Variants in PHYKPL observed in about 807,000 individuals in gnomAD.
The protein encoded by PHYKPL is 5-phosphohydroxy-L-lysine phospho-lyase.
A neutral mutation model predicts 51.3 loss-of-function variants in PHYKPL; 42 were observed. The ratio of observed to expected loss-of-function variants is 0.82; its 90% CI spans 0.64 to 1.06. The LOEUF (loss-of-function observed/expected upper bound fraction) is 1.06. Among genes scored for constraint, PHYKPL ranks in the 50% least tolerant of loss-of-function variants. The probability of loss-of-function intolerance (pLI) is 0.00; values close to 1 mark genes in which losing one functional copy is unlikely to be tolerated. For synonymous variants in PHYKPL, 264 were observed against 236.0 expected (o/e 1.12, Z -1.09); for missense variants, 655 against 586.6 (o/e 1.12, Z -1.20).
In PHYKPL at chr5:178,224,571, G is replaced by T; in HGVS notation, c.502-7C>A. 1 of 1,614,188 alleles carries T rather than the reference G, an allele frequency of 6.2e-7. No individual in the cohort carries two copies. The highest frequency in any genetic ancestry group is 8.5e-7 in the Non-Finnish European group (1 of 1,179,980). On this transcript the variant is annotated splice_polypyrimidine_tract_variant and splice_region_variant and intron_variant, in intron 5 of 12. Coordinates refer to ENST00000308158, the MANE Select transcript of PHYKPL (RefSeq NM_153373.4). ...AGGTGTCTGGGAGAGGTGCCTGTGGGGAGTGACAGCGCCATGTTATCCGGG... is the reference window on the plus strand; with the variant it reads ...AGGTGTCTGGGAGAGGTGCCTGTGGTGAGTGACAGCGCCATGTTATCCGGG...
At position 178,229,948 on chromosome 5, in the gene PHYKPL, C is replaced by T; in HGVS notation, c.330G>A (p.Leu110=). 1.2e-6 allele frequency: 2 copies of T among 1,613,528 alleles called. No homozygotes were observed. The highest frequency in any genetic ancestry group is 1.6e-4 in the Middle Eastern group (1 of 6,062). ...GGCCACAGTCCACTTACCCAGAATT[C>T]AGGAAATAGAACACACAGAGCTGCT... ...LPEQLCVFYF[L]NSGSEANDLA... Residue 110 remains leucine (L), a synonymous_variant, in exon 3 of 13, where the codon CTG becomes CTA. Coordinates refer to ENST00000308158, the MANE Select transcript of PHYKPL (RefSeq NM_153373.4).
chr5:178,225,015 T>C, intron 4 of PHYKPL: 1 of 565,246 alleles, frequency 1.8e-6, no homozygotes, highest in Non-Finnish European at 3.1e-6. Context: ...TAATGAATCT[T>C]AAATGTGTTG....
chr5:178,214,923 C>G (rs772795845), intron 9 of PHYKPL, 38 bp from the exon 10 acceptor site: 1 of 1,600,294 alleles, frequency 6.2e-7, no homozygotes, highest in Admixed American at 1.7e-5. Flanking sequence ...GAGGCCAGGC[C>G]TGAGGGGCCA....
downstream of PHYKPL, chr5:178,207,286 A>C: frequency 6.2e-7 from 1 of 1,600,684 alleles, no homozygotes. Context: ...CCTTAGAGGG[A>C]TGGGTTAGGG....
chr5:178,209,317 TCTTGA>T (rs1757436300), intron 12 of PHYKPL: 2 of 1,611,992 alleles, frequency 1.2e-6, no homozygotes, highest in South Asian at 2.2e-5. Flanking sequence ...ACCACTGTCC[TCTTGA>T]CTTTTAGTGT....
At chr5:178,228,433 C>G (rs989852749) in intron 3 of PHYKPL, 37 of 657,818 alleles carry the variant, frequency 5.6e-5, no homozygotes, top group Non-Finnish European at 8.8e-5. Flanking sequence ...CATGGAAGTC[C>G]CTGGAATCCA....
chr5:178,210,232 G>A lies in PHYKPL; in HGVS notation c.*32-1317C>T, dbSNP rs531828488. ...CTGGCTATGGCGGCTACGACTACTC[G>A]CCCTATGGCTATTACGGCTACGGCC... On this transcript the variant is annotated intron_variant, in intron 12 of 12. Coordinates refer to ENST00000308158, the MANE Select transcript of PHYKPL (RefSeq NM_153373.4). 68 of 1,613,294 alleles carry A rather than the reference G, an allele frequency of 4.2e-5. 1 individual carries two copies. In the South Asian group the frequency reaches 7.1e-4, roughly 17 times the overall value.
chr5:178,228,280 G>C, intron 3 of PHYKPL: 1 of 501,060 alleles, frequency 2.0e-6, no homozygotes, highest in Non-Finnish European at 3.6e-6. Flanking sequence ...CAGGGAAGGA[G>C]TGGCTAGAGA....
intron 8 of PHYKPL, among the ~76,000 whole-genome samples, chr5:178,220,182 G>A (rs1359536352): frequency 8.7e-6 from 1 of 115,330 alleles, no homozygotes; most frequent in African/African-American, 3.6e-5. Context: ...GTGACAGAGT[G>A]AGACCCCGTT....
intron 6 of PHYKPL, chr5:178,224,198 A>G: frequency 4.3e-6 from 2 of 467,798 alleles, no homozygotes; most frequent in Non-Finnish European, 7.6e-6. Flanking sequence ...CTACTGTGTC[A>G]GAGAGCACCC....
intron 1 of PHYKPL, chr5:178,232,114 C>T (rs1447568354): frequency 2.5e-6 from 3 of 1,190,014 alleles, no homozygotes; most frequent in East Asian, 1.1e-4. Flanking sequence ...CGAGCCAGGC[C>T]CAGGTGCTGC....
At chr5:178,230,229 T>A in intron 2 of PHYKPL, 130 bp from the exon 3 acceptor site, 2 of 1,157,660 alleles carry the variant, frequency 1.7e-6, no homozygotes, top group South Asian at 1.4e-5. Flanking sequence ...AAGAGGGCAG[T>A]CTGAAGGCAG....
rs921105406 is a variant in PHYKPL, at chr5:178,231,326, C to T, written c.178+79G>A. On this transcript the variant is annotated intron_variant, in intron 2 of 12. Transcript: ENST00000308158. ...CACCCAGGTTCTCCACACCTCTCGG[C>T]AATCTCAGGTCACCTTGGGACCAGG... The T allele has an allele frequency of 2.5e-6, 4 of 1,605,748 alleles. No individual in the cohort carries two copies. In the African/African-American group the frequency reaches 4.0e-5, roughly 16 times the overall value.
intron 6 of PHYKPL, 106 bp downstream of exon 6, chr5:178,224,342 G>T: frequency 8.3e-7 from 1 of 1,201,768 alleles, no homozygotes; most frequent in East Asian, 2.5e-5. Context: ...GGAGGGCAGG[G>T]CCTCGTTTGG....
intron 4 of PHYKPL, chr5:178,225,154 G>C (rs1003108135): frequency 4.8e-6 from 3 of 618,742 alleles, no homozygotes; most frequent in Admixed American, 2.9e-5. Context: ...CTGCTCCCCA[G>C]AGCTGCCTTC....
At chr5:178,220,737 A>C (rs907502677) in intron 8 of PHYKPL, among the ~76,000 whole-genome samples, 59 of 151,808 alleles carry the variant, frequency 3.9e-4, no homozygotes, top group African/African-American at 1.3e-3. Context: ...AAAAAAAAAA[A>C]CAAAAAAAAC....
rs926986685 is a variant in PHYKPL at position 178,232,585 on chromosome 5, G to A, written c.-35C>T. ...CCGTCAGTCGGTGCCGTGACGCCAC[G>A]CGGAGACGTCGCCGCGCGGGCTGGG... On this transcript the variant is annotated 5_prime_UTR_variant, in exon 1 of 13. Coordinates refer to ENST00000308158, the MANE Select transcript of PHYKPL (RefSeq NM_153373.4). 1.6e-6 allele frequency: 2 copies of A among 1,244,992 alleles called. No homozygotes were observed. Among genetic ancestry groups the A allele is most frequent in the Non-Finnish European group, 2.0e-6 (2 of 995,500 alleles). 77.1% of individuals were successfully genotyped at this position (1,244,992 alleles called of 1,614,324 possible).
chr5:178,221,825 T>C (rs2113872546), intron 8 of PHYKPL, among the ~76,000 whole-genome samples: 1 of 152,296 alleles, frequency 6.6e-6, no homozygotes, highest in South Asian at 2.1e-4. Flanking sequence ...TCAAGATCAG[T>C]GAGACTCCTC....
chr5:178,211,070 T>C (rs1471475441), intron 12 of PHYKPL: 3 of 188,320 alleles, frequency 1.6e-5, no homozygotes, highest in Admixed American at 5.6e-5. Context: ...GGGAATCTAA[T>C]GTATTGTAAG....
Sources: allele counts gnomAD v4.1 joint callset (sites outside exome capture counted in the v4.1 genomes callset), GRCh38; gene constraint gnomAD v4.1.1; transcripts MANE v1.5; gene names NCBI Gene and HGNC (gene_info 2026-07-23, HGNC 2026-07-21).